ANK3: variants seen among roughly 807,000 people sequenced by gnomAD.
The protein encoded by ANK3 is ankyrin 3, also known as ankyrin-3.
ANK3 carries 57 observed loss-of-function variants against 370.9 expected under a neutral mutation model. The ratio of observed to expected loss-of-function variants is 0.15; its 90% CI spans 0.12 to 0.19. The LOEUF (loss-of-function observed/expected upper bound fraction) is 0.19, where lower values mean the gene tolerates loss of function less well. Among genes scored for constraint, ANK3 ranks in the 10% least tolerant of loss-of-function variants. The pLI, the probability that ANK3 is intolerant of heterozygous loss-of-function variation, is 1.00. For synonymous variants in ANK3, 1,929 were observed against 1,946.3 expected, an observed-to-expected ratio of 0.99 and a Z score of 0.23; for missense variants, 4,439 against 5,302.1, an observed-to-expected ratio of 0.84 and a Z score of 5.06.
At chr10:60,266,835 A>T (rs2097887870) in intron 5 of ANK3, among the ~76,000 whole-genome samples, 1 of 152,056 alleles carries the variant, frequency 6.6e-6, no homozygotes, top group South Asian at 2.1e-4. Context: ...AGGCTACTGG[A>T]AAAAAGGTCC....
intron 1 of ANK3, among the ~76,000 whole-genome samples, chr10:60,700,736 T>C (rs2079534896): frequency 6.6e-6 from 1 of 152,122 alleles, no homozygotes; most frequent in African/African-American, 2.4e-5. Context: ...AGCAATTGAA[T>C]AGAAAGAATA....
At chr10:60,198,608 G>T in intron 13 of ANK3, 71 bp from the exon 14 acceptor site, 2 of 1,384,900 alleles carry the variant, frequency 1.4e-6, no homozygotes, top group South Asian at 1.2e-5. Flanking sequence ...AAAATTCAGG[G>T]AATATTAGCT....
chr10:60,369,425 A>C (rs1004495814), intron 1 of ANK3, among the ~76,000 whole-genome samples: 1 of 152,204 alleles, frequency 6.6e-6, no homozygotes, highest in African/African-American at 2.4e-5. Context: ...CCATTCTGAC[A>C]AGAGGGACTA....
At chr10:60,505,324 AAATT>A (rs2075908891) in intron 2 of ANK3, among the ~76,000 whole-genome samples, 1 of 152,016 alleles carries the variant, frequency 6.6e-6, no homozygotes, top group East Asian at 1.9e-4. Context: ...ATATATATAT[AAATT>A]ATATTTTTGA....
chr10:60,504,843 G>A (rs575116989), intron 2 of ANK3, among the ~76,000 whole-genome samples: 1 of 152,218 alleles, frequency 6.6e-6, no homozygotes, highest in African/African-American at 2.4e-5. Context: ...TAAGTCTTGA[G>A]AGATATAACA....
chr10:60,218,671 C>A (rs1565763968), intron 8 of ANK3, among the ~76,000 whole-genome samples: 1 of 152,104 alleles, frequency 6.6e-6, no homozygotes, highest in Non-Finnish European at 1.5e-5. Flanking sequence ...TGATGGGCTT[C>A]CCTTTGTAGG....
rs542395852 is a variant in ANK3 at position 60,312,241 on chromosome 10, A to ACTGAGCCCCAGTT, written c.115-32615_115-32603dup. On this transcript the variant is annotated intron_variant, in intron 1 of 43. Transcript: ENST00000280772. ...AAGGAGGAGAAGAAAACCAACAATT[A>ACTGAGCCCCAGTT]CTGAGCCCCAGTTCTGAGCCCAGTG... Among the ~76,000 whole-genome samples, 341 of 152,320 alleles carry ACTGAGCCCCAGTT rather than the reference A, an allele frequency of 2.2e-3. 1 individual carries two copies. The Middle Eastern group carries it at 0.051, about 23-fold the overall frequency.
intron 23 of ANK3, among the ~76,000 whole-genome samples, chr10:60,145,413 T>A (rs2094767327): frequency 6.6e-6 from 1 of 152,184 alleles, no homozygotes; most frequent in Non-Finnish European, 1.5e-5. Flanking sequence ...TCTTTGATCA[T>A]ACAGCAAAGA....
chr10:60,060,817 G>C (rs995013734), intron 40 of ANK3: 3 of 152,172 alleles, frequency 2.0e-5, no homozygotes, highest in Non-Finnish European at 4.4e-5. Context: ...AACAGAGATA[G>C]TAGGAAAACC....
At chr10:60,619,925 TCCACAGTAATTA>T (rs1165932632) in intron 1 of ANK3, among the ~76,000 whole-genome samples, 1 of 152,186 alleles carries the variant, frequency 6.6e-6, no homozygotes, top group African/African-American at 2.4e-5. Context: ...TATTCTGAAG[TCCACAGTAATTA>T]CTTTGAGACT....
chr10:60,175,067 T>C (rs2095891012), intron 18 of ANK3, among the ~76,000 whole-genome samples: 1 of 152,134 alleles, frequency 6.6e-6, no homozygotes. Flanking sequence ...GTTTCCCATC[T>C]CATTCTTATT....
chr10:60,256,567 G>A (rs980738046), intron 7 of ANK3, among the ~76,000 whole-genome samples: 1 of 152,182 alleles, frequency 6.6e-6, no homozygotes, highest in Non-Finnish European at 1.5e-5. Context: ...GAAGTTTGGT[G>A]TACGAAAGAT....
intron 1 of ANK3, among the ~76,000 whole-genome samples, chr10:60,680,173 GA>G (rs60526712): frequency 0.012 from 1,759 of 148,794 alleles, 35 homozygotes; most frequent in African/African-American, 0.04. Context: ...AGAATAAAAG[GA>G]AAAAAAAATA....
intron 2 of ANK3, among the ~76,000 whole-genome samples, chr10:60,528,151 TTTGAGACAGAG>T: frequency 6.7e-6 from 1 of 149,526 alleles, no homozygotes; most frequent in African/African-American, 2.5e-5. Flanking sequence ...TTTTTTTTTT[TTTGAGACAGAG>T]TTTGGCTCTT....
At chr10:60,240,217 T>TATATATATACACAC (rs1255487726) in intron 7 of ANK3, among the ~76,000 whole-genome samples, 9 of 139,154 alleles carry the variant, frequency 6.5e-5, no homozygotes, top group Admixed American at 5.0e-4. Context: ...TATATACACA[T>TATATATATACACAC]ATATATATAC....
At position 60,549,140 on chromosome 10, in the gene ANK3, T is replaced by TACAC. The variant is rs3047236; in HGVS notation, c.96+66042_96+66045dup. 2.3e-3 allele frequency among the ~76,000 whole-genome samples: 332 copies of TACAC among 145,632 alleles called. 3 individuals are homozygous for TACAC. The highest frequency in any genetic ancestry group is 0.011 in the South Asian group (51 of 4,486). ...ATGAGTGAGAGAAGGGCATGTTTCA[T>TACAC]ACACACACACACACACACACACACA... is the stretch of plus-strand genomic sequence containing the variant. On this transcript the variant is annotated intron_variant, in intron 2 of 43. Coordinates refer to the ANK3 transcript ENST00000373827.
At chr10:60,610,176 C>T (rs1295590492) in intron 2 of ANK3, among the ~76,000 whole-genome samples, 2 of 152,030 alleles carry the variant, frequency 1.3e-5, no homozygotes, top group Non-Finnish European at 2.9e-5. Context: ...ATTTACGAAG[C>T]ATGAAAAAAT....
chr10:60,622,448 G>T (rs1157493352), intron 1 of ANK3, among the ~76,000 whole-genome samples: 2 of 152,068 alleles, frequency 1.3e-5, no homozygotes, highest in East Asian at 3.9e-4. Context: ...TCATCATGTT[G>T]GTCAGGCTGG....
At chr10:60,031,770 G>A (rs1386399873) in intron 43 of ANK3, among the ~76,000 whole-genome samples, 1 of 152,086 alleles carries the variant, frequency 6.6e-6, no homozygotes, top group Non-Finnish European at 1.5e-5. Context: ...GAAACATGTT[G>A]GTAGAGCACT....
Sources: gnomAD v4.1 joint callset for allele counts (sites outside exome capture counted in the v4.1 genomes callset) on GRCh38, gnomAD v4.1.1 for gene constraint, MANE v1.5 for transcripts, NCBI Gene and HGNC (gene_info 2026-07-23, HGNC 2026-07-21) for gene names.